Variants in ATXN7 observed in about 807,000 individuals in gnomAD.
ATXN7 encodes the protein ataxin-7.
In ATXN7, 12 loss-of-function variants were observed where a neutral mutation model predicts 70.5. The ratio of observed to expected loss-of-function variants is 0.17; its 90% CI spans 0.11 to 0.28. The LOEUF (loss-of-function observed/expected upper bound fraction) is 0.28. Ranked by LOEUF, ATXN7 falls within the 10% of genes least tolerant of loss-of-function variation. ATXN7 has a pLI of 1.00. For missense variants in ATXN7, 1,256 were observed against 1,131.7 expected (o/e 1.11, Z -1.58); for synonymous variants, 498 against 448.7 (o/e 1.11, Z -1.39).
rs187440274 is a variant in ATXN7 at position 63,998,706 on chromosome 3, A to G, written c.2662-744A>G. The G allele has an allele frequency of 1.6e-4, 158 of 981,314 alleles. 1 individual carries two copies. In the East Asian group the frequency reaches 0.011, roughly 66 times the overall value. The allele number at this position is 981,314 out of a possible 1,614,324, so 60.8% of individuals were successfully genotyped here. A position where few individuals can be genotyped will look rare whatever the true frequency, so the allele number is the denominator to read the frequency against. On this transcript the variant is annotated intron_variant, in intron 12 of 12. Transcript: ENST00000674280. ...CATTGAACCCCAAGAAGTATTGCAC[A>G]TTTTTATGTCTTTGTTCATTTATCG... is the stretch of plus-strand genomic sequence containing the variant.
chr3:63,984,029 C>T (rs531227175), intron 8 of ATXN7, among the ~76,000 whole-genome samples: 1 of 152,210 alleles, frequency 6.6e-6, no homozygotes, highest in Admixed American at 6.5e-5. Context: ...GGACTTCAGG[C>T]CCTGTCCCAT....
At chr3:63,986,369 A>G (rs2075578170) in intron 8 of ATXN7, among the ~76,000 whole-genome samples, 1 of 152,086 alleles carries the variant, frequency 6.6e-6, no homozygotes. Context: ...CTCAGTGGAA[A>G]CCCTACTTAG....
intron 12 of ATXN7, 107 bp downstream of exon 12, chr3:63,996,590 CAG>C (rs1667858521): frequency 5.7e-6 from 3 of 524,956 alleles, no homozygotes; most frequent in Admixed American, 4.4e-5. Flanking sequence ...GGTTTGTAAA[CAG>C]ATATTCAGCT....
At chr3:63,909,857 T>G (rs987491459) in intron 2 of ATXN7, among the ~76,000 whole-genome samples, 2 of 152,190 alleles carry the variant, frequency 1.3e-5, no homozygotes, top group African/African-American at 4.8e-5. Context: ...GTAAGTTTCC[T>G]AAGGGATTGA....
rs1702312733 is a variant in ATXN7, at chr3:63,863,889, C to T, written c.-380C>T. ...CCCACAATGCAGCCGGGTAAACAGC[C>T]ATGGAGGAGGAGGCGGCGGCGCCCG... On this transcript the variant is annotated 5_prime_UTR_variant, in exon 1 of 13. Transcript: ENST00000674280. The T allele has an allele frequency of 1.7e-6, 2 of 1,149,674 alleles. No homozygotes were observed. The highest frequency in any genetic ancestry group is 1.1e-6 in the Non-Finnish European group (1 of 937,730). The allele number at this position is 1,149,674 out of a possible 1,614,324, so 71.2% of individuals were successfully genotyped here.
intron 1 of ATXN7, among the ~76,000 whole-genome samples, chr3:63,880,673 A>G (rs1194952680): frequency 6.6e-6 from 1 of 151,898 alleles, no homozygotes; most frequent in African/African-American, 2.4e-5. Flanking sequence ...TCTCCCTCAT[A>G]CCTTTTTGCC....
Position 63,999,766 on chromosome 3 carries a change from G to GT in ATXN7, c.*305dup, listed in dbSNP as rs759317342. ...TGTGAGAAGTTTTTGTTTTTGTTTTGTTTTTTAACTTGCAGTATATCACAG... is the reference window on the plus strand; with the variant it reads ...TGTGAGAAGTTTTTGTTTTTGTTTTGTTTTTTTAACTTGCAGTATATCACAG... On this transcript the variant is annotated 3_prime_UTR_variant, in exon 13 of 13. Transcript: ENST00000674280. The GT allele has an allele frequency of 3.4e-5, 19 of 558,168 alleles. No individual in the cohort carries two copies. Among genetic ancestry groups the GT allele is most frequent in the African/African-American group, 3.2e-4 (17 of 53,238 alleles). 34.6% of individuals were successfully genotyped at this position (558,168 alleles called of 1,614,324 possible).
intron 4 of ATXN7, among the ~76,000 whole-genome samples, chr3:63,934,086 C>A (rs1291521337): frequency 6.6e-6 from 1 of 152,182 alleles, no homozygotes; most frequent in Non-Finnish European, 1.5e-5. Context: ...ATTGGCCTAA[C>A]TCCTTTGCAG....
intron 4 of ATXN7, among the ~76,000 whole-genome samples, chr3:63,914,590 G>C (rs973961813): frequency 1.3e-5 from 2 of 152,204 alleles, no homozygotes; most frequent in Admixed American, 6.5e-5. Context: ...TAAGCAGTTA[G>C]AGTAGAACTT....
rs145278435 is a variant in ATXN7 at position 63,895,855 on chromosome 3, G to A, written c.-110-2544G>A. Among the ~76,000 whole-genome samples the A allele has an allele frequency of 7.0e-3, 1,062 of 151,778 alleles. 14 individuals carry two copies. Among genetic ancestry groups the A allele is most frequent in the African/African-American group, 0.022 (913 of 41,348 alleles). On this transcript the variant is annotated intron_variant, in intron 1 of 12. Transcript: ENST00000674280. ...TCCTGGGGGAAACGGGAGATAAGTGGCCTCTTGGGTCAGATTCACTCTGAG... is the reference window on the plus strand; with the variant it reads ...TCCTGGGGGAAACGGGAGATAAGTGACCTCTTGGGTCAGATTCACTCTGAG...
intron 5 of ATXN7, chr3:63,968,574 T>C (rs1358838664): frequency 1.3e-5 from 2 of 152,168 alleles, no homozygotes; most frequent in Non-Finnish European, 2.9e-5. Flanking sequence ...GAACACTGCG[T>C]CAAGAGGAAG....
At chr3:63,876,134 A>G (rs370947763) in intron 1 of ATXN7, among the ~76,000 whole-genome samples, 2 of 152,206 alleles carry the variant, frequency 1.3e-5, no homozygotes, top group East Asian at 3.8e-4. Flanking sequence ...TTTTGTAGAT[A>G]CTGTGAGCCT....
chr3:63,916,045 TG>T (rs1704253367), intron 4 of ATXN7, among the ~76,000 whole-genome samples: 1 of 152,196 alleles, frequency 6.6e-6, no homozygotes, highest in African/African-American at 2.4e-5. Flanking sequence ...TTCTCCAATG[TG>T]CAATTTTGGA....
In ATXN7 at chr3:63,893,570, G is replaced by A. The variant is rs537673815; in HGVS notation, c.-110-4829G>A. On this transcript the variant is annotated intron_variant, in intron 1 of 12. Coordinates refer to ENST00000674280, the MANE Select transcript of ATXN7 (RefSeq NM_001377405.1). The stretch of plus-strand genomic sequence containing the variant: ...TAATAGAAGCTGTTAGAAAATGGAG[G>A]CTCCTTTAAAAATAAGACTCCACAT... Among the ~76,000 whole-genome samples, 71 of 152,236 alleles carry A rather than the reference G, an allele frequency of 4.7e-4. 3 individuals are homozygous for A. The South Asian group carries it at 5.4e-3, about 12-fold the overall frequency.
intron 4 of ATXN7, among the ~76,000 whole-genome samples, chr3:63,936,083 C>T (rs62252365): frequency 6.6e-6 from 1 of 152,144 alleles, no homozygotes; most frequent in East Asian, 1.9e-4. Flanking sequence ...CCCATGAGGG[C>T]AAGGTTTTGC....
chr3:63,991,728 C>G (rs760633928), intron 11 of ATXN7, among the ~76,000 whole-genome samples: 9 of 151,930 alleles, frequency 5.9e-5, no homozygotes, highest in Non-Finnish European at 1.3e-4. Flanking sequence ...TTTAAGACAC[C>G]TTGTGTGATA....
At chr3:63,884,775 G>A (rs777046396) in intron 1 of ATXN7, among the ~76,000 whole-genome samples, 13 of 151,696 alleles carry the variant, frequency 8.6e-5, no homozygotes, top group Non-Finnish European at 1.3e-4. Flanking sequence ...CTCAGCCTCC[G>A]AGTAGCTGGA....
intron 4 of ATXN7, among the ~76,000 whole-genome samples, chr3:63,917,707 G>C (rs1278669541): frequency 6.6e-6 from 1 of 152,186 alleles, no homozygotes; most frequent in Non-Finnish European, 1.5e-5. Context: ...CTGAGGGCAG[G>C]AGTGTTGTTG....
At chr3:63,876,751 C>G (rs189923582) in intron 1 of ATXN7, among the ~76,000 whole-genome samples, 1 of 152,222 alleles carries the variant, frequency 6.6e-6, no homozygotes, top group African/African-American at 2.4e-5. Flanking sequence ...TTCCATAAAT[C>G]TGGTATCAAG....
Sources: gnomAD v4.1 joint callset for allele counts (sites outside exome capture counted in the v4.1 genomes callset) on GRCh38, gnomAD v4.1.1 for gene constraint, MANE v1.5 for transcripts, NCBI Gene and HGNC (gene_info 2026-07-23, HGNC 2026-07-21) for gene names.